Variants in SS18L1 observed in about 807,000 individuals in gnomAD.
The protein encoded by SS18L1 is calcium-responsive transactivator.
Under a neutral mutation model 70.3 loss-of-function variants are expected in SS18L1, and 32 were observed. The ratio of observed to expected loss-of-function variants is 0.46; its 90% CI spans 0.34 to 0.61. SS18L1 has a LOEUF of 0.61. Among genes scored for constraint, SS18L1 ranks in the 20% least tolerant of loss-of-function variants. SS18L1 has a pLI of 0.01. For synonymous variants in SS18L1, 237 were observed against 229.7 expected (o/e 1.03, Z -0.29); for missense variants, 430 against 542.1 (o/e 0.79, Z 2.05).
intron 8 of SS18L1, among the ~76,000 whole-genome samples, chr20:62,172,392 AC>A (rs2057547573): frequency 6.6e-6 from 1 of 151,982 alleles, no homozygotes; most frequent in Non-Finnish European, 1.5e-5. Context: ...ATTCACAGGT[AC>A]TTGGAGTTAG....
At chr20:62,163,059 G>A (rs1601023797) in intron 5 of SS18L1, 128 bp downstream of exon 5, 1 of 1,288,664 alleles carries the variant, frequency 7.8e-7, no homozygotes, top group East Asian at 2.5e-5. Context: ...AGGGGCCCGT[G>A]AATCGGGGCT....
intron 8 of SS18L1, among the ~76,000 whole-genome samples, chr20:62,171,959 G>A (rs776875082): frequency 1.1e-4 from 16 of 152,168 alleles, no homozygotes; most frequent in Non-Finnish European, 2.1e-4. Context: ...TCAGGAGATC[G>A]AGACCATCCT....
chr20:62,170,423 G>A (rs764994564), intron 8 of SS18L1, among the ~76,000 whole-genome samples: 10 of 152,180 alleles, frequency 6.6e-5, no homozygotes, highest in Non-Finnish European at 1.0e-4. Flanking sequence ...GGAGAATGGC[G>A]TGAACCCCGG....
chr20:62,147,602 G>T (rs1568734204), intron 1 of SS18L1, among the ~76,000 whole-genome samples: 1 of 152,176 alleles, frequency 6.6e-6, no homozygotes, highest in Non-Finnish European at 1.5e-5. Context: ...GATAATAGCA[G>T]TGGTGTCTGC....
chr20:62,150,063 T>A (rs1005400073), intron 1 of SS18L1, among the ~76,000 whole-genome samples: 4 of 152,210 alleles, frequency 2.6e-5, no homozygotes, highest in Non-Finnish European at 5.9e-5. Flanking sequence ...CTTCACATGT[T>A]CTTAGAGTCT....
intron 8 of SS18L1, among the ~76,000 whole-genome samples, chr20:62,171,562 C>T (rs2057532115): frequency 6.6e-6 from 1 of 152,194 alleles, no homozygotes; most frequent in African/African-American, 2.4e-5. Flanking sequence ...TCCCACCTAA[C>T]TACAGATTGA....
intron 8 of SS18L1, among the ~76,000 whole-genome samples, chr20:62,170,077 G>A (rs1038514738): frequency 5.3e-5 from 8 of 152,172 alleles, no homozygotes; most frequent in African/African-American, 1.2e-4. Flanking sequence ...CATGTTCCTC[G>A]TGGCTCATTG....
intron 8 of SS18L1, among the ~76,000 whole-genome samples, chr20:62,168,020 A>AG (rs1480029056): frequency 7.1e-6 from 1 of 141,698 alleles, no homozygotes; most frequent in Non-Finnish European, 1.5e-5. Context: ...TGTAGAGATA[A>AG]GGTCTTGCCA....
intron 10 of SS18L1, chr20:62,175,366 G>T: frequency 1.2e-5 from 12 of 985,414 alleles, no homozygotes; most frequent in Non-Finnish European, 1.4e-5. Context: ...TGAGTGGGAT[G>T]GGGCCCCTGG....
chr20:62,150,923 C>G (rs961247347), intron 1 of SS18L1, among the ~76,000 whole-genome samples: 9 of 152,038 alleles, frequency 5.9e-5, no homozygotes, highest in Admixed American at 1.3e-4. Context: ...GAGCTGGCCT[C>G]TGGGGAAGAG....
At chr20:62,146,628 A>C (rs1416331648) in intron 1 of SS18L1, among the ~76,000 whole-genome samples, 1 of 7,050 alleles carries the variant, frequency 1.4e-4, no homozygotes, top group African/African-American at 5.6e-4. Context: ...TTTTTTTTTG[A>C]GATGGAGTTT....
chr20:62,178,994 C>T (rs1455990010), intron 10 of SS18L1, among the ~76,000 whole-genome samples, 188 bp from the exon 11 acceptor site: 2 of 152,230 alleles, frequency 1.3e-5, no homozygotes, highest in Non-Finnish European at 2.9e-5. Context: ...ACCTTTGGCC[C>T]TGTCTACGTT....
intron 8 of SS18L1, among the ~76,000 whole-genome samples, chr20:62,169,366 T>C (rs1373834045): frequency 6.6e-6 from 1 of 152,212 alleles, no homozygotes; most frequent in Non-Finnish European, 1.5e-5. Context: ...GGGTTAGGGC[T>C]CAGGCAGTCC....
chr20:62,152,819 C>T (rs1009313031), intron 1 of SS18L1, among the ~76,000 whole-genome samples: 2 of 152,274 alleles, frequency 1.3e-5, no homozygotes, highest in South Asian at 2.1e-4. Context: ...AACACAGACA[C>T]ATAAGAAACT....
intron 1 of SS18L1, among the ~76,000 whole-genome samples, chr20:62,148,075 C>T (rs181553983): frequency 4.3e-4 from 65 of 152,318 alleles, no homozygotes; most frequent in Non-Finnish European, 7.1e-4. Flanking sequence ...TGATTGACAG[C>T]GTTCCTCCTG....
Position 62,161,529 on chromosome 20 carries a change from A to G in SS18L1, c.325A>G (p.Ile109Val). 6.2e-7 allele frequency: 1 copy of G among 1,612,644 alleles called. No homozygotes were observed. Among genetic ancestry groups the G allele is most frequent in the Non-Finnish European group, 8.5e-7 (1 of 1,179,882 alleles). Residue 109 changes from isoleucine to valine, a missense_variant, in exon 4 of 11, where the codon ATC (isoleucine) becomes GTC (valine). Transcript: ENST00000331758. The surrounding 1 kb of genome is among the most constrained non-coding windows in gnomAD (Gnocchi z 4.4). ...LHSQGSLSDA[I>V]STGLPPSSLL... ...CTCTCAGGGCAGCCTGAGTGACGCCATCAGCACGGGCCTGCCACCCTCCTC... is the reference window on the plus strand; with the variant it reads ...CTCTCAGGGCAGCCTGAGTGACGCCGTCAGCACGGGCCTGCCACCCTCCTC...
Position 62,158,603 on chromosome 20 carries a change from G to A in SS18L1, c.70-69G>A, listed in dbSNP as rs2057265518. ...CCTATATGAAAACTAGATGTGTAGC[G>A]ATGGCTGTTCATCCCGAGGGTCAGC... On this transcript the variant is annotated intron_variant, in intron 1 of 10. Coordinates refer to ENST00000331758, the MANE Select transcript of SS18L1 (RefSeq NM_198935.3). This position sits in a 1 kb window ranked among gnomAD's most constrained non-coding sequence, Gnocchi z 4.5. The A allele has an allele frequency of 6.3e-6, 10 of 1,578,370 alleles. No individual in the cohort carries two copies. The highest frequency in any genetic ancestry group is 2.3e-5 in the East Asian group (1 of 43,602).
At position 62,161,517 on chromosome 20, in the gene SS18L1, C is replaced by T; in HGVS notation, c.313C>T (p.Leu105=). 6.2e-7 allele frequency: 1 copy of T among 1,612,800 alleles called. No homozygotes were observed. The highest frequency in any genetic ancestry group is 2.2e-5 in the East Asian group (1 of 44,862). The change falls in exon 4 of 11, where the codon CTG becomes TTG. Residue 105 remains leucine (L), a synonymous_variant. Transcript: ENST00000331758. The surrounding 1 kb of genome is among the most constrained non-coding windows in gnomAD (Gnocchi z 4.4). ...SSQGLHSQGS[L]SDAISTGLPP... ...CCAGGGCCTGCACTCTCAGGGCAGC[C>T]TGAGTGACGCCATCAGCACGGGCCT... is the stretch of plus-strand genomic sequence containing the variant.
intron 8 of SS18L1, among the ~76,000 whole-genome samples, chr20:62,168,661 A>C (rs1439486904): frequency 6.6e-6 from 1 of 152,084 alleles, no homozygotes; most frequent in African/African-American, 2.4e-5. Flanking sequence ...TCTACTAAAA[A>C]ACATTAGCCA....
Sources: gnomAD v4.1 joint callset for allele counts (sites outside exome capture counted in the v4.1 genomes callset) on GRCh38, gnomAD v4.1.1 for gene constraint, Gnocchi (gnomAD v3.1) non-coding constraint, MANE v1.5 for transcripts, NCBI Gene and HGNC (gene_info 2026-07-23, HGNC 2026-07-21) for gene names.